SAMD5: variants seen among roughly 807,000 people sequenced by gnomAD.
SAMD5 encodes the protein sterile alpha motif domain containing 5.
SAMD5 carries 13 observed loss-of-function variants against 11.3 expected under a neutral mutation model. The ratio of observed to expected loss-of-function variants is 1.15; its 90% CI spans 0.75 to 1.83. The LOEUF (loss-of-function observed/expected upper bound fraction) is 1.83. SAMD5 is among the 40% of genes most tolerant of loss of function. The probability of loss-of-function intolerance (pLI) is 0.00; values close to 1 mark genes in which losing one functional copy is unlikely to be tolerated. For missense variants in SAMD5, 255 were observed against 239.1 expected (o/e 1.07, Z -0.44); for synonymous variants, 129 against 111.3 (o/e 1.16, Z -1.00).
chr6:147,533,847 T>C (rs1050806000), intron 1 of SAMD5, among the ~76,000 whole-genome samples: 3 of 152,210 alleles, frequency 2.0e-5, no homozygotes, highest in Admixed American at 6.5e-5. Context: ...CACCAACTGA[T>C]TGGATGATGC....
the SAMD5 span, among the ~76,000 whole-genome samples, chr6:147,880,973 C>A: frequency 6.6e-6 from 1 of 152,168 alleles, no homozygotes; most frequent in South Asian, 2.1e-4. Flanking sequence ...ATACCCTAGA[C>A]ACTGGGGTAG....
intron 1 of SAMD5, among the ~76,000 whole-genome samples, chr6:147,575,408 G>A (rs1264134053): frequency 6.6e-6 from 1 of 152,206 alleles, no homozygotes; most frequent in Non-Finnish European, 1.5e-5. Context: ...ATGGTTTCTT[G>A]GCTCAAATGT....
the SAMD5 span, among the ~76,000 whole-genome samples, chr6:147,771,753 T>G: frequency 1.3e-5 from 2 of 152,230 alleles, no homozygotes; most frequent in African/African-American, 2.4e-5. Context: ...CTTCATCCTG[T>G]GTTCATCAAA....
intron 1 of SAMD5, among the ~76,000 whole-genome samples, chr6:147,677,611 T>C (rs1790882357): frequency 6.6e-6 from 1 of 151,888 alleles, no homozygotes; most frequent in South Asian, 2.1e-4. Context: ...AGCCTCAGAG[T>C]AGCATAAAGG....
intron 1 of SAMD5, among the ~76,000 whole-genome samples, chr6:147,673,488 C>T (rs549915261): frequency 6.6e-6 from 1 of 152,288 alleles, no homozygotes; most frequent in South Asian, 2.1e-4. Context: ...GCTGGGATTA[C>T]AGGTGTGAGC....
At chr6:147,816,706 G>A in the SAMD5 span, among the ~76,000 whole-genome samples, 1 of 151,986 alleles carries the variant, frequency 6.6e-6, no homozygotes, top group Non-Finnish European at 1.5e-5. Flanking sequence ...TGGAGGTAAC[G>A]AATTGAAAGA....
intron 1 of SAMD5, among the ~76,000 whole-genome samples, chr6:147,707,350 T>C (rs1271042663): frequency 6.6e-6 from 1 of 152,208 alleles, no homozygotes; most frequent in Non-Finnish European, 1.5e-5. Flanking sequence ...TTCAGAAGCA[T>C]GTTTACAGAG....
At chr6:147,860,923 G>A in the SAMD5 span, among the ~76,000 whole-genome samples, 1 of 152,110 alleles carries the variant, frequency 6.6e-6, no homozygotes, top group Admixed American at 6.5e-5. Context: ...CAACAATAAT[G>A]AAGAGATAAC....
chr6:147,512,140 T>C (rs1026903392), intron 1 of SAMD5, among the ~76,000 whole-genome samples: 12 of 152,138 alleles, frequency 7.9e-5, no homozygotes, highest in Admixed American at 6.5e-5. Context: ...GTAGTTTTAG[T>C]AGAGACGGGG....
intron 1 of SAMD5, among the ~76,000 whole-genome samples, chr6:147,664,092 C>A (rs2037587): frequency 2.0e-5 from 3 of 152,030 alleles, no homozygotes; most frequent in Non-Finnish European, 4.4e-5. Flanking sequence ...AGTATTGTCT[C>A]ATTCCACCTT....
the SAMD5 span, among the ~76,000 whole-genome samples, chr6:147,747,993 C>T: frequency 6.6e-6 from 1 of 152,164 alleles, no homozygotes; most frequent in Non-Finnish European, 1.5e-5. Flanking sequence ...TCTGGCCCTT[C>T]TGACTTAGTC....
chr6:147,821,171 C>T, the SAMD5 span, among the ~76,000 whole-genome samples: 1 of 152,144 alleles, frequency 6.6e-6, no homozygotes, highest in Non-Finnish European at 1.5e-5. Flanking sequence ...CTTCATCATA[C>T]CAGTCTAGGA....
At chr6:147,869,696 T>A in the SAMD5 span, among the ~76,000 whole-genome samples, 190 of 151,934 alleles carry the variant, frequency 1.3e-3, 4 homozygotes, top group Non-Finnish European at 3.8e-4. Flanking sequence ...TCAATATAAT[T>A]ATTATTATTA....
At chr6:147,840,649 A>T in the SAMD5 span, among the ~76,000 whole-genome samples, 173 of 152,350 alleles carry the variant, frequency 1.1e-3, no homozygotes, top group South Asian at 3.3e-3. Flanking sequence ...GAATTCAAGA[A>T]TTATCTCTGC....
chr6:147,620,226 A>G (rs1789939090), intron 1 of SAMD5, among the ~76,000 whole-genome samples: 1 of 152,034 alleles, frequency 6.6e-6, no homozygotes, highest in Admixed American at 6.6e-5. Context: ...TGCAGCTCTG[A>G]GCACTGGCCT....
intron 1 of SAMD5, among the ~76,000 whole-genome samples, chr6:147,606,152 G>C (rs920344290): frequency 1.3e-5 from 2 of 152,146 alleles, no homozygotes; most frequent in African/African-American, 4.8e-5. Context: ...CTCTCAGGGG[G>C]ATTCCTGCCC....
chr6:147,534,059 C>T (rs1788470143), intron 1 of SAMD5, among the ~76,000 whole-genome samples: 1 of 145,764 alleles, frequency 6.9e-6, no homozygotes, highest in Non-Finnish European at 1.5e-5. Context: ...ATAAGGAGGG[C>T]CAGGAGGGCA....
intron 1 of SAMD5, among the ~76,000 whole-genome samples, chr6:147,713,233 T>G (rs939494061): frequency 2.0e-5 from 3 of 152,224 alleles, no homozygotes; most frequent in African/African-American, 2.4e-5. Flanking sequence ...AAAATTGTTC[T>G]GCTATGTTTG....
chr6:147,793,656 T>C, the SAMD5 span, among the ~76,000 whole-genome samples: 6 of 152,174 alleles, frequency 3.9e-5, no homozygotes, highest in Admixed American at 6.6e-5. Context: ...TTGGTACCTA[T>C]TTAGGCTGTT....
Sources: gnomAD v4.1 joint callset for allele counts (sites outside exome capture counted in the v4.1 genomes callset) on GRCh38, gnomAD v4.1.1 for gene constraint, MANE v1.5 for transcripts, NCBI Gene and HGNC (gene_info 2026-07-23, HGNC 2026-07-21) for gene names.